Variants in MACF1 observed in about 807,000 individuals in gnomAD.
MACF1 encodes the protein microtubule-actin cross-linking factor 1.
In MACF1, 193 loss-of-function variants were observed where a neutral mutation model predicts 854.8. That is an observed-to-expected ratio of 0.23 (90% CI 0.20 to 0.25). MACF1 has a LOEUF of 0.25. Among genes scored for constraint, MACF1 ranks in the 10% least tolerant of loss-of-function variants. MACF1 has a pLI of 1.00. For synonymous variants in MACF1, 3,185 were observed against 3,226.7 expected (o/e 0.99, Z 0.44); for missense variants, 7,722 against 8,929.1 (o/e 0.86, Z 5.45).
intron 40 of MACF1, among the ~76,000 whole-genome samples, chr1:39,345,396 GCC>G (rs1323333813): frequency 6.6e-6 from 1 of 151,772 alleles, no homozygotes; most frequent in African/African-American, 2.4e-5. Context: ...GATCACTTAA[GCC>G]CGGGAGTTTG....
Position 39,302,930 on chromosome 1 carries a change from A to G in MACF1, c.2641A>G (p.Ile881Val), listed in dbSNP as rs1394474645. ...VCDYRQIEITICKNDECVLED... is the reference protein window; with the variant it reads ...VCDYRQIEITVCKNDECVLED... ...GGTAAATTTATCTCTTCAGATTACT[A>G]TTTGCAAAAATGATGAATGTGTGCT... is the stretch of plus-strand genomic sequence containing the variant. Residue 881 changes from isoleucine to valine, a missense_variant, in exon 23 of 101, where the codon ATT (isoleucine) becomes GTT (valine). By Grantham distance (29) the Ile-to-Val change is conservative (BLOSUM62 3). This residue lies in a region of MACF1 where 1,137 missense variants were observed against 1,263.0 expected (regional missense o/e 0.90). Coordinates refer to ENST00000564288, the MANE Select transcript of MACF1 (RefSeq NM_001394062.1). The G allele has an allele frequency of 1.9e-6, 3 of 1,613,302 alleles. No individual in the cohort carries two copies. The highest frequency in any genetic ancestry group is 2.5e-6 in the Non-Finnish European group (3 of 1,179,418).
chr1:39,459,373 C>A, intron 91 of MACF1, 124 bp downstream of exon 91: 1 of 1,033,928 alleles, frequency 9.7e-7, no homozygotes, highest in Non-Finnish European at 1.4e-6. Flanking sequence ...TAGAAACAGA[C>A]CTATACCAAG....
chr1:39,090,868 A>G (rs1006413571), intron 2 of MACF1, among the ~76,000 whole-genome samples: 2 of 152,212 alleles, frequency 1.3e-5, no homozygotes, highest in African/African-American at 4.8e-5. Flanking sequence ...CAGATCCATC[A>G]TCACTAAAGT....
At chr1:39,208,249 C>T (rs1644476081) in intron 1 of MACF1, among the ~76,000 whole-genome samples, 1 of 151,480 alleles carries the variant, frequency 6.6e-6, no homozygotes, top group African/African-American at 2.4e-5. Flanking sequence ...TCCAGGACTC[C>T]AGCATCTTTT....
chr1:39,328,962 A>C (rs1646667355), intron 36 of MACF1, among the ~76,000 whole-genome samples: 1 of 152,226 alleles, frequency 6.6e-6, no homozygotes, highest in African/African-American at 2.4e-5. Context: ...AAAGAAATGA[A>C]AAGTTCTCAA....
At chr1:39,122,866 CAT>C (rs1474922678) in intron 2 of MACF1, among the ~76,000 whole-genome samples, 1 of 151,740 alleles carries the variant, frequency 6.6e-6, no homozygotes, top group African/African-American at 2.4e-5. Flanking sequence ...CCAAGGTTAA[CAT>C]AGTTTCCTTA....
intron 80 of MACF1, among the ~76,000 whole-genome samples, chr1:39,446,511 G>T (rs544833540): frequency 1.3e-5 from 2 of 150,856 alleles, no homozygotes; most frequent in South Asian, 2.1e-4. Flanking sequence ...TTTTTGGTGG[G>T]GGGTGGTTAC....
intron 89 of MACF1, 118 bp downstream of exon 89, chr1:39,455,215 A>G (rs142533017): frequency 1.0e-6 from 1 of 970,260 alleles, no homozygotes; most frequent in Non-Finnish European, 1.5e-6. Flanking sequence ...CAGACTTAGC[A>G]CTGTAAAACA....
Position 39,441,023 on chromosome 1 carries a change from T to A in MACF1, c.18468T>A (p.Asp6156Glu), listed in dbSNP as rs1644105651. ...TGTAGACTATTAAGGAAGAGACAGATGGTCTGCATGAAGAGCTGGAGTTTA... is the reference window on the plus strand; with the variant it reads ...TGTAGACTATTAAGGAAGAGACAGAAGGTCTGCATGAAGAGCTGGAGTTTA... Reference protein sequence around the residue: ...EAAETIKEETDGLHEELEFIR... With the variant: ...EAAETIKEETEGLHEELEFIR... Residue 6156 changes from aspartate to glutamate, a missense_variant, in exon 73 of 101, where the codon GAT becomes GAA. Transcript: ENST00000564288. 2 of 1,614,202 alleles carry A rather than the reference T, an allele frequency of 1.2e-6. No homozygotes were observed. Among genetic ancestry groups the A allele is most frequent in the Admixed American group, 3.3e-5 (2 of 60,016 alleles).
chr1:39,444,222 C>T (rs984068817), intron 79 of MACF1, among the ~76,000 whole-genome samples: 4 of 151,968 alleles, frequency 2.6e-5, no homozygotes, highest in African/African-American at 9.7e-5. Flanking sequence ...GTAGTCCCAG[C>T]TACTCAGGAG....
In MACF1 at chr1:39,334,251, A is replaced by G. The variant is rs1557593899; in HGVS notation, c.7663A>G (p.Ile2555Val). The G allele has an allele frequency of 2.5e-6, 4 of 1,613,998 alleles. No individual in the cohort carries two copies. Among genetic ancestry groups the G allele is most frequent in the Non-Finnish European group, 3.4e-6 (4 of 1,179,938 alleles). The change falls in exon 37 of 101, where the codon ATT becomes GTT. Residue 2555 changes from isoleucine to valine, a missense_variant. Around this residue, in one of 15 missense-constraint regions of MACF1, gnomAD observed 1,531 missense variants for 1,601.6 expected, o/e 0.96. Transcript: ENST00000564288. ...QIFNPETKEN[I>V]SLPKAIKLDL... is the part of the protein sequence containing the mutation. ...TTTTAATCCTGAAACGAAGGAAAAT[A>G]TTTCCCTCCCTAAAGCCATAAAATT...
chr1:39,453,339 C>T (rs1372167514), intron 87 of MACF1, among the ~76,000 whole-genome samples: 1 of 151,996 alleles, frequency 6.6e-6, no homozygotes, highest in Non-Finnish European at 1.5e-5. Flanking sequence ...GTTTTTACAA[C>T]TATAATTATA....
intron 2 of MACF1, among the ~76,000 whole-genome samples, chr1:39,139,460 T>C (rs1193208372): frequency 6.6e-6 from 1 of 152,142 alleles, no homozygotes; most frequent in Admixed American, 6.5e-5. Context: ...TTTCACCATG[T>C]TGGCCAGGCT....
intron 97 of MACF1, 132 bp from the exon 98 acceptor site, chr1:39,479,666 G>T: frequency 1.4e-6 from 1 of 712,396 alleles, no homozygotes; most frequent in South Asian, 1.8e-5. Flanking sequence ...CTCTATTTTT[G>T]AAGAACCCAC....
At chr1:39,339,647 A>G (rs936956467) in intron 38 of MACF1, among the ~76,000 whole-genome samples, 4 of 152,216 alleles carry the variant, frequency 2.6e-5, no homozygotes, top group African/African-American at 9.7e-5. Context: ...GATGGATTGA[A>G]AGGAATGTTT....
intron 28 of MACF1, 146 bp from the exon 29 acceptor site, chr1:39,317,068 A>C (rs1646425394): frequency 1.3e-6 from 1 of 766,726 alleles, no homozygotes; most frequent in Admixed American, 3.0e-5. Flanking sequence ...TGACATGTGG[A>C]GGCAGTCCTG....
chr1:39,165,831 G>T (rs894169957), intron 2 of MACF1, among the ~76,000 whole-genome samples: 3 of 152,114 alleles, frequency 2.0e-5, no homozygotes, highest in African/African-American at 7.2e-5. Context: ...GAACCTTTTG[G>T]ACTTCTTGGT....
intron 2 of MACF1, among the ~76,000 whole-genome samples, chr1:39,133,122 CTGAG>C (rs1362925418): frequency 5.3e-5 from 8 of 152,214 alleles, no homozygotes; most frequent in African/African-American, 1.9e-4. Context: ...TGATCCCTGA[CTGAG>C]TGACACAGAC....
chr1:39,266,696 C>T (rs1210013841), intron 6 of MACF1, among the ~76,000 whole-genome samples: 1 of 140,704 alleles, frequency 7.1e-6, no homozygotes, highest in Non-Finnish European at 1.5e-5. Context: ...CAGGCTACTG[C>T]TTTCTGCTGT....
Sources: gnomAD v4.1 joint callset for allele counts (sites outside exome capture counted in the v4.1 genomes callset) on GRCh38, gnomAD v4.1.1 for gene constraint, gnomAD v4.1.1 regional missense constraint, MANE v1.5 for transcripts, NCBI Gene and HGNC (gene_info 2026-07-23, HGNC 2026-07-21) for gene names.